FER1L5: variants seen among roughly 807,000 people sequenced by gnomAD.
FER1L5 encodes fer-1-like protein 5.
In FER1L5, 187 loss-of-function variants were observed where a neutral mutation model predicts 279.9. The ratio of observed to expected loss-of-function variants is 0.67; its 90% CI spans 0.59 to 0.75. FER1L5 has a LOEUF of 0.75. Ranked by LOEUF, FER1L5 falls within the 30% of genes least tolerant of loss-of-function variation. FER1L5 has a pLI of 0.00. For missense variants in FER1L5, 2,091 were observed against 2,594.4 expected, an observed-to-expected ratio of 0.81 and a Z score of 4.21; for synonymous variants, 921 against 989.7, an observed-to-expected ratio of 0.93 and a Z score of 1.30.
intron 11 of FER1L5, 105 bp downstream of exon 11, chr2:96,661,545 T>C (rs1481768170): frequency 1.2e-5 from 18 of 1,508,560 alleles, no homozygotes; most frequent in Non-Finnish European, 1.6e-5. Context: ...CTTTGTCCGC[T>C]GCGTCACTGC....
intron 45 of FER1L5, among the ~76,000 whole-genome samples, chr2:96,701,005 C>A (rs2077568791): frequency 6.6e-6 from 1 of 152,202 alleles, no homozygotes; most frequent in Non-Finnish European, 1.5e-5. Context: ...CTCTGCTGAG[C>A]AAAATTTTTA....
intron 6 of FER1L5, among the ~76,000 whole-genome samples, chr2:96,651,502 GTCTT>G (rs1248307306): frequency 1.2e-5 from 1 of 84,630 alleles, no homozygotes; most frequent in East Asian, 3.8e-4. Context: ...CTTTCTTTCT[GTCTT>G]TCTTCTCTTT....
intron 19 of FER1L5, among the ~76,000 whole-genome samples, chr2:96,680,296 A>G (rs1558889834): frequency 6.6e-6 from 1 of 151,950 alleles, no homozygotes; most frequent in Non-Finnish European, 1.5e-5. Flanking sequence ...CTGCTTATTT[A>G]TCATTCCAGT....
chr2:96,699,411 G>T, intron 42 of FER1L5, 139 bp from the exon 43 acceptor site: 1 of 1,053,736 alleles, frequency 9.5e-7, no homozygotes, highest in South Asian at 1.6e-5. Context: ...GCGATTGGCA[G>T]AAGGCAGCCT....
intron 19 of FER1L5, among the ~76,000 whole-genome samples, 189 bp downstream of exon 19, chr2:96,673,443 T>C (rs931740032): frequency 6.6e-6 from 1 of 152,056 alleles, no homozygotes; most frequent in South Asian, 2.1e-4. Context: ...GGTGAACCCA[T>C]GAGTTGAAAC....
chr2:96,650,248 A>G lies in FER1L5; in HGVS notation c.463A>G (p.Thr155Ala), dbSNP rs962441369. The stretch of plus-strand genomic sequence containing the variant: ...TCAGAAACTGATGGTCCCTGGCTCC[A>G]CTGCGCACAGGGCTCTGTCCTCAAA... The part of the protein sequence containing the change: ...ASQKLMVPGS[T>A]AHRALSSKPQ... The change falls in exon 6 of 53, where the codon ACT becomes GCT. Residue 155 changes from threonine to alanine, a missense_variant. Physicochemically the swap from Thr to Ala is moderately conservative, Grantham distance 58. Coordinates refer to ENST00000624922, the MANE Select transcript of FER1L5 (RefSeq NM_001293083.2). 5.8e-6 allele frequency: 9 copies of G among 1,551,618 alleles called. No homozygotes were observed. Among genetic ancestry groups the G allele is most frequent in the Non-Finnish European group, 6.1e-6 (7 of 1,147,000 alleles).
chr2:96,671,415 C>T (rs1192952636), intron 18 of FER1L5, among the ~76,000 whole-genome samples: 10 of 152,188 alleles, frequency 6.6e-5, no homozygotes, highest in Admixed American at 6.5e-4. Flanking sequence ...CAGTGACCAA[C>T]AGAACGTAAG....
At chr2:96,685,828 G>A (rs2076902633) in intron 21 of FER1L5, 112 bp from the exon 22 acceptor site, 1 of 1,312,594 alleles carries the variant, frequency 7.6e-7, no homozygotes, top group Non-Finnish European at 1.0e-6. Context: ...AGCAGCAGAT[G>A]GGGGCAGGAT....
chr2:96,645,752 G>T (rs2075092751), intron 1 of FER1L5, among the ~76,000 whole-genome samples: 1 of 151,644 alleles, frequency 6.6e-6, no homozygotes, highest in Non-Finnish European at 1.5e-5. Context: ...CTCCAGCCTG[G>T]GTGATAGAGT....
chr2:96,654,716 AG>A (rs1188748465), intron 9 of FER1L5: 2 of 276,740 alleles, frequency 7.2e-6, no homozygotes, highest in Non-Finnish European at 1.3e-5. Context: ...TGGCTAACAC[AG>A]TGAAACCCTG....
intron 18 of FER1L5, among the ~76,000 whole-genome samples, chr2:96,671,128 A>G (rs964196514): frequency 6.7e-6 from 1 of 149,596 alleles, no homozygotes; most frequent in Non-Finnish European, 1.5e-5. Flanking sequence ...AAAAAAAAAA[A>G]GGAATCCCTG....
At position 96,692,030 on chromosome 2, in the gene FER1L5, G is replaced by A. The variant is rs1359967783; in HGVS notation, c.3214+67G>A. On this transcript the variant is annotated intron_variant, in intron 30 of 52. Coordinates refer to ENST00000624922, the MANE Select transcript of FER1L5 (RefSeq NM_001293083.2). ...CCAGTACCCGAGGGCGGGGGGGGGG[G>A]ACAGGGTGGGGGCAGTCAGAGGGAG... 169 of 884,430 alleles carry A rather than the reference G, an allele frequency of 1.9e-4. 1 individual carries two copies. The African/African-American group carries it at 2.6e-3, about 13-fold the overall frequency. 54.8% of individuals were successfully genotyped at this position (884,430 alleles called of 1,614,324 possible). A position where few individuals can be genotyped will look rare whatever the true frequency, so the allele number is the denominator to read the frequency against.
intron 14 of FER1L5, among the ~76,000 whole-genome samples, chr2:96,667,245 A>G (rs1470320443): frequency 6.6e-6 from 1 of 152,172 alleles, no homozygotes; most frequent in African/African-American, 2.4e-5. Context: ...CACCTGGTTC[A>G]TGAGGTTTTT....
At chr2:96,686,876 A>C (rs954954362) in intron 23 of FER1L5, among the ~76,000 whole-genome samples, 1 of 151,420 alleles carries the variant, frequency 6.6e-6, no homozygotes, top group Non-Finnish European at 1.5e-5. Flanking sequence ...AAAAAAAAAA[A>C]AAACAGAAAA....
At position 96,642,865 on chromosome 2, in the gene FER1L5, A is replaced by T. The variant is rs781072417; in HGVS notation, c.29A>T (p.Lys10Met). The change falls in exon 1 of 53, where the codon AAG becomes ATG. Residue 10 changes from lysine to methionine, a missense_variant. Lys to Met is a moderately conservative substitution (Grantham distance 95). Coordinates refer to ENST00000624922, the MANE Select transcript of FER1L5 (RefSeq NM_001293083.2). ...CTGCGGCTTGTGGTGCAGTCGGCCA[A>T]GATTGACCCACCACTAGCCCCACTA... MLRLVVQSA[K>M]IDPPLAPLPR... The T allele has an allele frequency of 9.7e-6, 15 of 1,551,186 alleles. No individual in the cohort carries two copies. The highest frequency in any genetic ancestry group is 1.2e-5 in the Non-Finnish European group (14 of 1,146,716).
intron 21 of FER1L5, among the ~76,000 whole-genome samples, chr2:96,685,693 G>A (rs1283647565): frequency 2.0e-5 from 3 of 152,172 alleles, no homozygotes; most frequent in African/African-American, 7.2e-5. Context: ...CTCCAGACAA[G>A]CCCACATAGC....
At chr2:96,663,046 A>T (rs2076008500) in intron 13 of FER1L5, among the ~76,000 whole-genome samples, 1 of 152,246 alleles carries the variant, frequency 6.6e-6, no homozygotes, top group South Asian at 2.1e-4. Flanking sequence ...CATAAACTCA[A>T]CTGACGGTTT....
At position 96,691,105 on chromosome 2, in the gene FER1L5, C is replaced by T. The variant is rs1423584704; in HGVS notation, c.2744-85C>T. On this transcript the variant is annotated intron_variant, in intron 27 of 52. Transcript: ENST00000624922. The surrounding 1 kb of genome is among the most constrained non-coding windows in gnomAD (Gnocchi z 6.0). ...CCTGGATGTGAGGGAAGTAATGCCC[C>T]TCTAGGGCCTGTCTCCCGGGTTTGT... 2.8e-6 allele frequency: 4 copies of T among 1,447,640 alleles called. No individual in the cohort carries two copies. The highest frequency in any genetic ancestry group is 3.7e-6 in the Non-Finnish European group (4 of 1,087,384). 89.7% of individuals were successfully genotyped at this position (1,447,640 alleles called of 1,614,324 possible).
At chr2:96,649,770 C>G in intron 5 of FER1L5, 93 bp downstream of exon 5, 2 of 1,246,688 alleles carry the variant, frequency 1.6e-6, no homozygotes, top group South Asian at 2.7e-5. Flanking sequence ...AAAACCCAGC[C>G]CTTGAGGCCT....
Sources: allele counts gnomAD v4.1 joint callset (sites outside exome capture counted in the v4.1 genomes callset), GRCh38; gene constraint gnomAD v4.1.1; non-coding constraint Gnocchi (gnomAD v3.1); transcripts MANE v1.5; gene names NCBI Gene and HGNC (gene_info 2026-07-23, HGNC 2026-07-21).